Variants in GREM2 observed in about 807,000 individuals in gnomAD.
The protein encoded by GREM2 is gremlin-2.
Under a neutral mutation model 14.2 loss-of-function variants are expected in GREM2, and 11 were observed. The observed-to-expected ratio is 0.78, with a 90% CI of 0.49 to 1.28. The LOEUF (loss-of-function observed/expected upper bound fraction) is 1.28. Ranked by LOEUF, GREM2 falls within the 50% of genes most tolerant of loss-of-function variation. The pLI, the probability that GREM2 is intolerant of heterozygous loss-of-function variation, is 0.00. For missense variants in GREM2, 210 were observed against 218.5 expected (o/e 0.96, Z 0.24); for synonymous variants, 98 against 97.6 (o/e 1.00, Z -0.02).
intron 1 of GREM2, among the ~76,000 whole-genome samples, chr1:240,499,533 T>C (rs1178077291): frequency 1.3e-5 from 2 of 152,072 alleles, no homozygotes; most frequent in African/African-American, 4.8e-5. Context: ...TTTTATGAGG[T>C]TTAGTACTGC....
At chr1:240,563,115 A>G (rs879566962) in intron 1 of GREM2, among the ~76,000 whole-genome samples, 6 of 141,710 alleles carry the variant, frequency 4.2e-5, no homozygotes, top group Admixed American at 4.2e-4. Context: ...GTATGTGTGT[A>G]TATGTGAGTG....
intron 1 of GREM2, among the ~76,000 whole-genome samples, chr1:240,563,985 G>A (rs753964225): frequency 1.8e-4 from 28 of 152,104 alleles, no homozygotes; most frequent in Non-Finnish European, 3.5e-4. Context: ...CAAAGTGGAA[G>A]GATCACTTGA....
At chr1:240,567,738 G>T (rs1299574305) in intron 1 of GREM2, among the ~76,000 whole-genome samples, 1 of 152,146 alleles carries the variant, frequency 6.6e-6, no homozygotes, top group Non-Finnish European at 1.5e-5. Flanking sequence ...CAACAGAAAT[G>T]GTAACAAGTG....
chr1:240,592,656 G>T (rs1233759137), intron 1 of GREM2, among the ~76,000 whole-genome samples: 1 of 152,124 alleles, frequency 6.6e-6, no homozygotes, highest in Non-Finnish European at 1.5e-5. Flanking sequence ...ATGTTGTCAA[G>T]TTGGGGCCCT....
chr1:240,592,875 T>C (rs1161209860), intron 1 of GREM2, among the ~76,000 whole-genome samples: 1 of 151,892 alleles, frequency 6.6e-6, no homozygotes, highest in Non-Finnish European at 1.5e-5. Flanking sequence ...GGCTCAAGCT[T>C]GTAATCCCAG....
At position 240,602,866 on chromosome 1, in the gene GREM2, G is replaced by A. The variant is rs567020265; in HGVS notation, c.-2+9018C>T. Among the ~76,000 whole-genome samples the A allele has an allele frequency of 1.3e-4, 20 of 152,058 alleles. No individual in the cohort carries two copies. The East Asian group carries it at 3.7e-3, about 28-fold the overall frequency. Reference sequence around the variant, plus strand: ...AGGCAGGCGGATCACGAGGTCAGGAGATCGAGACCATCCTGGCTAACATGG... The same window carrying A: ...AGGCAGGCGGATCACGAGGTCAGGAAATCGAGACCATCCTGGCTAACATGG... On this transcript the variant is annotated intron_variant, in intron 1 of 1. Transcript: ENST00000318160.
chr1:240,552,829 A>C (rs1414785812), intron 1 of GREM2, among the ~76,000 whole-genome samples: 1 of 152,224 alleles, frequency 6.6e-6, no homozygotes, highest in Non-Finnish European at 1.5e-5. Context: ...TAAGGTGATA[A>C]AACATTAAAA....
At chr1:240,562,363 A>G (rs1039328584) in intron 1 of GREM2, among the ~76,000 whole-genome samples, 15 of 152,190 alleles carry the variant, frequency 9.9e-5, no homozygotes, top group Non-Finnish European at 2.1e-4. Flanking sequence ...TTGTCAGCCT[A>G]GCAAAATGAC....
Position 240,489,827 on chromosome 1 carries a change from TCAAAAA to T in GREM2, c.*3136_*3141del, listed in dbSNP as rs1331337543. On this transcript the variant is annotated 3_prime_UTR_variant, in exon 2 of 2. Transcript: ENST00000318160. ...TAACTTAAAAATCATCTGGCCAATT[TCAAAAA>T]CAAGTGAGTTAGAATACGTTAGCAG... is the stretch of plus-strand genomic sequence containing the variant. 2.0e-5 allele frequency: 3 copies of T among 152,170 alleles called. No homozygotes were observed. The highest frequency in any genetic ancestry group is 7.2e-5 in the African/African-American group (3 of 41,452). The allele number at this position is 152,170 out of a possible 1,614,324, so 9.4% of individuals were successfully genotyped here.
At chr1:240,552,965 T>C (rs1279919003) in intron 1 of GREM2, among the ~76,000 whole-genome samples, 1 of 152,218 alleles carries the variant, frequency 6.6e-6, no homozygotes, top group Non-Finnish European at 1.5e-5. Flanking sequence ...CCCCTTTCTT[T>C]TACATTACTT....
At chr1:240,566,964 C>G (rs1213044677) in intron 1 of GREM2, among the ~76,000 whole-genome samples, 1 of 152,036 alleles carries the variant, frequency 6.6e-6, no homozygotes, top group East Asian at 1.9e-4. Flanking sequence ...ATTGAAAAGT[C>G]ATTATAATGA....
rs574354043 is a variant in GREM2 at position 240,509,709 on chromosome 1, A to G, written c.-1-16233T>C. On this transcript the variant is annotated intron_variant, in intron 1 of 1. Coordinates refer to ENST00000318160, the MANE Select transcript of GREM2 (RefSeq NM_022469.4). The stretch of plus-strand genomic sequence containing the variant: ...GACCTCCCTGCCCCTTTCTCTCCCC[A>G]GCTTCCCATGAAGTTCGAATCTCTT... Among the ~76,000 whole-genome samples, 498 of 152,142 alleles carry G rather than the reference A, an allele frequency of 3.3e-3. 2 individuals carry two copies. The highest frequency in any genetic ancestry group is 0.011 in the African/African-American group (474 of 41,520).
chr1:240,591,338 G>T (rs1317188009), intron 1 of GREM2, among the ~76,000 whole-genome samples: 1 of 152,172 alleles, frequency 6.6e-6, no homozygotes, highest in African/African-American at 2.4e-5. Context: ...CTCAATAAAC[G>T]CTTGTTGAAG....
At chr1:240,529,540 A>G (rs1203183301) in intron 1 of GREM2, among the ~76,000 whole-genome samples, 1 of 152,180 alleles carries the variant, frequency 6.6e-6, no homozygotes, top group African/African-American at 2.4e-5. Flanking sequence ...TATCTGACGT[A>G]TCTGTTATAC....
In GREM2 at chr1:240,492,987, G is replaced by T; in HGVS notation, c.489C>A (p.Ser163Arg). 6.5e-7 allele frequency: 1 copy of T among 1,549,042 alleles called. No individual in the cohort carries two copies. Among genetic ancestry groups the T allele is most frequent in the Middle Eastern group, 1.8e-4 (1 of 5,694 alleles). Residue 163 changes from serine to arginine, a missense_variant, in exon 2 of 2, where the codon AGC becomes AGA. Ser to Arg is a moderately radical substitution (Grantham distance 110, BLOSUM62 -1). Transcript: ENST00000318160. Reference sequence around the variant, plus strand: ...CCGGCGCTCACTGCTTGTCCGAGTCGCTCAGGTTCACGGACATGCACCGGC... The same window carrying T: ...CCGGCGCTCACTGCTTGTCCGAGTCTCTCAGGTTCACGGACATGCACCGGC... ...KQCRCMSVNLSDSDKQ is the reference protein window; with the variant it reads ...KQCRCMSVNLRDSDKQ
At chr1:240,566,975 T>C (rs4659983) in intron 1 of GREM2, among the ~76,000 whole-genome samples, 1 of 152,186 alleles carries the variant, frequency 6.6e-6, no homozygotes, top group Admixed American at 6.5e-5. Flanking sequence ...ATTATAATGA[T>C]ATTCCATATA....
chr1:240,544,506 G>A (rs1182137149), intron 1 of GREM2, among the ~76,000 whole-genome samples: 5 of 152,158 alleles, frequency 3.3e-5, no homozygotes, highest in South Asian at 2.1e-4. Flanking sequence ...ATCATTGAGA[G>A]ATGAGGTCCT....
chr1:240,518,041 C>T (rs1484454829), intron 1 of GREM2, among the ~76,000 whole-genome samples: 3 of 152,122 alleles, frequency 2.0e-5, no homozygotes, highest in Non-Finnish European at 4.4e-5. Flanking sequence ...TTCAACAGCC[C>T]GAATCCTACA....
At chr1:240,591,270 G>A (rs2102864226) in intron 1 of GREM2, among the ~76,000 whole-genome samples, 1 of 152,302 alleles carries the variant, frequency 6.6e-6, no homozygotes, top group South Asian at 2.1e-4. Flanking sequence ...GAATCATACA[G>A]TTATGATCCT....
Sources: gnomAD v4.1 joint callset for allele counts (sites outside exome capture counted in the v4.1 genomes callset) on GRCh38, gnomAD v4.1.1 for gene constraint, MANE v1.5 for transcripts, NCBI Gene and HGNC (gene_info 2026-07-23, HGNC 2026-07-21) for gene names.